GSE1: variants seen among roughly 807,000 people sequenced by gnomAD.
The protein encoded by GSE1 is Gse1 coiled-coil protein, also known as genetic suppressor element 1.
In GSE1, 32 loss-of-function variants were observed where a neutral mutation model predicts 112.6. The ratio of observed to expected loss-of-function variants is 0.28; its 90% CI spans 0.21 to 0.38. GSE1 has a LOEUF of 0.38. Among genes scored for constraint, GSE1 ranks in the 10% least tolerant of loss-of-function variants. GSE1 has a pLI of 1.00. For synonymous variants in GSE1, 1,115 were observed against 735.6 expected (o/e 1.52, Z -8.35); for missense variants, 2,348 against 1,699.2 (o/e 1.38, Z -6.71).
chr16:85,641,234 C>A (rs553042255), intron 2 of GSE1, among the ~76,000 whole-genome samples: 1 of 152,240 alleles, frequency 6.6e-6, no homozygotes, highest in Non-Finnish European at 1.5e-5. Context: ...CTCCTTTGGT[C>A]CCACGCGGAC....
chr16:85,395,350 G>A (rs1196917579), intron 2 of GSE1, among the ~76,000 whole-genome samples: 1 of 152,148 alleles, frequency 6.6e-6, no homozygotes, highest in East Asian at 1.9e-4. Flanking sequence ...TAAGATGATC[G>A]CGCCCTGCTG....
chr16:85,340,709 G>T (rs1166027734), intron 1 of GSE1, among the ~76,000 whole-genome samples: 2 of 152,196 alleles, frequency 1.3e-5, no homozygotes, highest in Non-Finnish European at 2.9e-5. Context: ...CATTGTGTGT[G>T]GTGCGTTCCT....
intron 2 of GSE1, among the ~76,000 whole-genome samples, chr16:85,647,627 G>A (rs1425037482): frequency 4.6e-5 from 7 of 152,072 alleles, no homozygotes; most frequent in African/African-American, 9.7e-5. Context: ...TCGCTCTGTC[G>A]CCAGGCTGGA....
In GSE1 at chr16:85,280,613, C is replaced by G. The variant is rs144389877; in HGVS notation, c.2284-76850C>G. Among the ~76,000 whole-genome samples the G allele has an allele frequency of 3.5e-3, 530 of 152,284 alleles. 1 individual carries two copies. Among genetic ancestry groups the G allele is most frequent in the African/African-American group, 0.012 (493 of 41,566 alleles). On this transcript the variant is annotated intron_variant, in intron 1 of 2. Coordinates refer to the GSE1 transcript ENST00000637419. The stretch of plus-strand genomic sequence containing the variant: ...ATTTTGCCATGTTGGCCAGGCCGCT[C>G]TCGAACTTCTGACCTCAAGTGATCC...
intron 1 of GSE1, among the ~76,000 whole-genome samples, chr16:85,294,912 T>TG (rs1333702975): frequency 6.6e-6 from 1 of 151,612 alleles, no homozygotes; most frequent in African/African-American, 2.4e-5. Context: ...GTTTTTTAGT[T>TG]TTTGTTTTTT....
At chr16:85,196,497 GAA>G (rs1234624335) in intron 1 of GSE1, among the ~76,000 whole-genome samples, 14 of 152,080 alleles carry the variant, frequency 9.2e-5, no homozygotes, top group Non-Finnish European at 1.8e-4. Flanking sequence ...ATTTGAGAGA[GAA>G]AGAGAAAAAA....
chr16:85,552,320 C>CAGTCTCAGGTGGACCTCGAT (rs1434234907), upstream of GSE1, among the ~76,000 whole-genome samples: 2 of 105,772 alleles, frequency 1.9e-5, no homozygotes, highest in African/African-American at 6.4e-5. Context: ...CCACCGCACC[C>CAGTCTCAGGTGGACCTCGAT]GCCCCTCCTT....
intron 1 of GSE1, among the ~76,000 whole-genome samples, chr16:85,562,925 A>G (rs1187016349): frequency 3.3e-5 from 5 of 152,178 alleles, no homozygotes; most frequent in Non-Finnish European, 7.3e-5. Context: ...GCGTCCTGTC[A>G]TACTCTTTGT....
intron 1 of GSE1, among the ~76,000 whole-genome samples, chr16:85,625,098 C>A (rs1419874112): frequency 1.3e-5 from 2 of 152,186 alleles, no homozygotes; most frequent in Non-Finnish European, 2.9e-5. Flanking sequence ...ACTCAGGGCC[C>A]CGCCCTCTCC....
chr16:85,567,079 A>G (rs965641852), intron 1 of GSE1, among the ~76,000 whole-genome samples: 16 of 130,700 alleles, frequency 1.2e-4, no homozygotes, highest in South Asian at 3.0e-4. Context: ...CCTCCGCCCA[A>G]TTTCTCTCCT....
intron 2 of GSE1, among the ~76,000 whole-genome samples, chr16:85,510,205 G>T (rs1001901464): frequency 6.6e-6 from 1 of 152,202 alleles, no homozygotes; most frequent in Non-Finnish European, 1.5e-5. Flanking sequence ...TTTGTGAGCC[G>T]GCTTTTCATT....
chr16:85,464,300 G>C (rs2050062957), intron 2 of GSE1, among the ~76,000 whole-genome samples: 2 of 152,124 alleles, frequency 1.3e-5, no homozygotes, highest in East Asian at 3.9e-4. Flanking sequence ...CTGTCCATCA[G>C]ATGTCGGCTT....
intron 2 of GSE1, among the ~76,000 whole-genome samples, chr16:85,379,359 C>A (rs2047495099): frequency 6.6e-6 from 1 of 152,220 alleles, no homozygotes; most frequent in Non-Finnish European, 1.5e-5. Flanking sequence ...TAGAATGGTG[C>A]CTGGCCCCGT....
chr16:85,188,816 A>C (rs553126277), intron 1 of GSE1, among the ~76,000 whole-genome samples: 190 of 150,738 alleles, frequency 1.3e-3, no homozygotes, highest in African/African-American at 1.7e-3. Flanking sequence ...TAAAAAAAAA[A>C]AAAACAAAAC....
chr16:85,634,023 G>A lies in GSE1; in HGVS notation c.117G>A (p.Val39=), dbSNP rs796619057. ...LTPSPLNGAL[V]PSGSPATSSA... is the part of the protein sequence containing the mutation. Reference sequence around the variant, plus strand: ...CCTCGCCGCTCAATGGCGCCCTGGTGCCCAGCGGCAGCCCCGCCACCAGCA... The same window carrying A: ...CCTCGCCGCTCAATGGCGCCCTGGTACCCAGCGGCAGCCCCGCCACCAGCA... Residue 39 remains valine, a synonymous_variant, in exon 2 of 16, where the codon GTG becomes GTA. Transcript: ENST00000253458. The A allele has an allele frequency of 1.9e-6, 3 of 1,611,580 alleles. No individual in the cohort carries two copies. The highest frequency in any genetic ancestry group is 4.5e-5 in the East Asian group (2 of 44,824).
At chr16:85,424,748 G>T (rs1384580385) in intron 2 of GSE1, among the ~76,000 whole-genome samples, 10 of 152,220 alleles carry the variant, frequency 6.6e-5, no homozygotes, top group Non-Finnish European at 1.0e-4. Context: ...GCCCCGAGTC[G>T]CCAGATGCTC....
chr16:85,571,159 A>G lies in GSE1; in HGVS notation c.37+14796A>G, dbSNP rs575996370. Among the ~76,000 whole-genome samples the G allele has an allele frequency of 1.5e-3, 223 of 152,186 alleles. 1 individual carries two copies. The highest frequency in any genetic ancestry group is 5.1e-3 in the African/African-American group (212 of 41,510). On this transcript the variant is annotated intron_variant, in intron 1 of 2. Transcript: ENST00000635906. ...AGGGGCCCTAGGCTCTGCCTTTCTA[A>G]CAAGGCACAGGGGAACTTCCCTCCC... is the stretch of plus-strand genomic sequence containing the variant.
At chr16:85,633,824 C>T in intron 1 of GSE1, 90 bp from the exon 2 acceptor site, 1 of 973,778 alleles carries the variant, frequency 1.0e-6, no homozygotes, top group Admixed American at 2.1e-5. Context: ...TCCCTGCCTG[C>T]TGCTGCTGAC....
At chr16:85,656,950 C>G (rs1018001596) in intron 7 of GSE1, among the ~76,000 whole-genome samples, 1 of 152,198 alleles carries the variant, frequency 6.6e-6, no homozygotes, top group African/African-American at 2.4e-5. Context: ...TGTAAGTTTA[C>G]GAAACAATTG....
Sources: gnomAD v4.1 joint callset for allele counts (sites outside exome capture counted in the v4.1 genomes callset) on GRCh38, gnomAD v4.1.1 for gene constraint, MANE v1.5 for transcripts, NCBI Gene and HGNC (gene_info 2026-07-23, HGNC 2026-07-21) for gene names.